COL6A3: variants seen among roughly 807,000 people sequenced by gnomAD.
COL6A3 encodes collagen alpha-3(VI) chain.
A neutral mutation model predicts 274.1 loss-of-function variants in COL6A3; 137 were observed. That is an observed-to-expected ratio of 0.50 (90% confidence interval 0.44 to 0.58). The LOEUF (loss-of-function observed/expected upper bound fraction) is 0.58. Among genes scored for constraint, COL6A3 ranks in the 20% least tolerant of loss-of-function variants. The pLI is 0.00. For synonymous variants in COL6A3, 1,650 were observed against 1,650.6 expected (o/e 1.00, Z 0.01); for missense variants, 3,950 against 4,124.9 (o/e 0.96, Z 1.16).
At chr2:237,346,472 G>C in intron 32 of COL6A3, 31 bp downstream of exon 32, 1 of 1,608,128 alleles carries the variant, frequency 6.2e-7, no homozygotes, top group African/African-American at 1.3e-5. Flanking sequence ...CCAGCCCCAG[G>C]TGGCCGGGTC....
chr2:237,386,935 T>C (rs964196459), intron 4 of COL6A3, among the ~76,000 whole-genome samples: 2 of 152,206 alleles, frequency 1.3e-5, no homozygotes, highest in Admixed American at 1.3e-4. Flanking sequence ...CCACTCCAAT[T>C]GGCTGTTTTG....
chr2:237,381,682 G>C (rs549381056), intron 4 of COL6A3, among the ~76,000 whole-genome samples, 183 bp from the exon 5 acceptor site: 1 of 152,338 alleles, frequency 6.6e-6, no homozygotes, highest in South Asian at 2.1e-4. Flanking sequence ...CTCCCCACCT[G>C]CTGGAGGAAA....
At position 237,324,021 on chromosome 2, in the gene COL6A3, C is replaced by T. The variant is rs750086376; in HGVS notation, c.*753G>A. 6.6e-6 allele frequency: 1 copy of T among 152,298 alleles called. No individual in the cohort carries two copies. Among genetic ancestry groups the T allele is most frequent in the Non-Finnish European group, 1.5e-5 (1 of 68,024 alleles). 9.4% of individuals were successfully genotyped at this position (152,298 alleles called of 1,614,324 possible). On this transcript the variant is annotated 3_prime_UTR_variant, in exon 44 of 44. Coordinates refer to ENST00000295550, the MANE Select transcript of COL6A3 (RefSeq NM_004369.4). ...TGCCAAGAACGTCACACCCAGGAAACTTTCAATATACTTTATTAAAAAGTT... is the reference window on the plus strand; with the variant it reads ...TGCCAAGAACGTCACACCCAGGAAATTTTCAATATACTTTATTAAAAAGTT...
chr2:237,365,737 G>A lies in COL6A3; in HGVS notation c.5799C>T (p.Tyr1933=). ...GCGAGGACTGTCTGAACTTGTTCAG[G>A]TAGACCTTCAGGGTGTCCTCCGTGA... ...YVLTEDTLKV[Y]LNKFRQSSPD... is the part of the protein sequence containing the mutation. Residue 1933 remains tyrosine (Y), a synonymous_variant, in exon 12 of 44, where the codon TAC becomes TAT. Transcript: ENST00000295550. 1 of 1,614,186 alleles carries A rather than the reference G, an allele frequency of 6.2e-7. No homozygotes were observed. The highest frequency in any genetic ancestry group is 8.5e-7 in the Non-Finnish European group (1 of 1,180,028).
chr2:237,334,824 T>G lies in COL6A3; in HGVS notation c.9031A>C (p.Arg3011=), dbSNP rs565996170. The stretch of plus-strand genomic sequence containing the variant: ...AAATAAGGACCGGGGGGCTCAGCCC[T>G]CTCCCAGTGGAGTTTGGCGCTGTTC... ...TENSAKLHWE[R]AEPPGPYFYD... Residue 3011 remains arginine, a synonymous_variant, in exon 41 of 44, where the codon AGG becomes CGG. Coordinates refer to ENST00000295550, the MANE Select transcript of COL6A3 (RefSeq NM_004369.4). 39 of 1,613,992 alleles carry G rather than the reference T, an allele frequency of 2.4e-5. No homozygotes were observed. The highest frequency in any genetic ancestry group is 1.7e-6 in the Non-Finnish European group (2 of 1,180,024).
At position 237,364,524 on chromosome 2, in the gene COL6A3, C is replaced by T; in HGVS notation, c.5839-96G>A. On this transcript the variant is annotated intron_variant, in intron 12 of 43. Coordinates refer to ENST00000295550, the MANE Select transcript of COL6A3 (RefSeq NM_004369.4). The surrounding 1 kb of genome is among the most constrained non-coding windows in gnomAD (Gnocchi z 4.6). ...GAGAGACTCGCTGTCTCAAGCCCTT[C>T]ATTTTACACTTAAGGAAACTGAGGG... 1 of 964,694 alleles carries T rather than the reference C, an allele frequency of 1.0e-6. No individual in the cohort carries two copies. The highest frequency in any genetic ancestry group is 1.3e-5 in the South Asian group (1 of 76,738). 59.8% of individuals were successfully genotyped at this position (964,694 alleles called of 1,614,324 possible).
rs751272519 is a variant in COL6A3, at chr2:237,372,270, C to T, written c.3747G>A (p.Gln1249=). 3 of 1,613,580 alleles carry T rather than the reference C, an allele frequency of 1.9e-6. No individual in the cohort carries two copies. Among genetic ancestry groups the T allele is most frequent in the Non-Finnish European group, 2.5e-6 (3 of 1,180,052 alleles). The change falls in exon 9 of 44, where the codon CAG becomes CAA. Residue 1249 remains glutamine (Q), a synonymous_variant. Transcript: ENST00000295550. Reference sequence around the variant, plus strand: ...GCCTCTCTATGAGGGTGCGAACGTACTGGAACTCAGGCCCGGCACTTTGGG... The same window carrying T: ...GCCTCTCTATGAGGGTGCGAACGTATTGGAACTCAGGCCCGGCACTTTGGG... The part of the protein sequence containing the change: ...DGSQSAGPEF[Q]YVRTLIERLV...
intron 1 of COL6A3, among the ~76,000 whole-genome samples, chr2:237,398,314 C>A (rs1430547611): frequency 6.6e-6 from 1 of 152,208 alleles, no homozygotes; most frequent in Non-Finnish European, 1.5e-5. Flanking sequence ...GGGGGCCGCA[C>A]ACATGATGCC....
At chr2:237,411,879 G>A (rs1574789473) in intron 1 of COL6A3, among the ~76,000 whole-genome samples, 1 of 152,042 alleles carries the variant, frequency 6.6e-6, no homozygotes, top group Non-Finnish European at 1.5e-5. Context: ...GGAAAGAGCG[G>A]GGCCAAGGGC....
At chr2:237,342,380 C>A in intron 36 of COL6A3, 1 of 565,854 alleles carries the variant, frequency 1.8e-6, no homozygotes, top group Non-Finnish European at 3.2e-6. Flanking sequence ...GTTCATATCC[C>A]GTTCAAATGG....
In COL6A3 at chr2:237,361,191, G is replaced by A. The variant is rs199764618; in HGVS notation, c.6157-17C>T. The A allele has an allele frequency of 1.5e-5, 25 of 1,613,182 alleles. No individual in the cohort carries two copies. The East Asian group carries it at 1.8e-4, about 12-fold the overall frequency. Reference sequence around the variant, plus strand: ...AGGAATACCCTGAAACAAAGTAATCGGGTCCTCTGTTTAATCCCGTGGTCT... The same window carrying A: ...AGGAATACCCTGAAACAAAGTAATCAGGTCCTCTGTTTAATCCCGTGGTCT... On this transcript the variant is annotated splice_polypyrimidine_tract_variant and intron_variant, in intron 15 of 43. Coordinates refer to ENST00000295550, the MANE Select transcript of COL6A3 (RefSeq NM_004369.4). This position sits in a 1 kb window ranked among gnomAD's most constrained non-coding sequence, Gnocchi z 5.1.
In COL6A3 at chr2:237,367,500, T is replaced by C. The variant is rs566437944; in HGVS notation, c.4901-214A>G. ...ACAAGAAGATGAATGATAAATCCTCTAAACAAAAAGGAAAGGAGAAAAATT... is the reference window on the plus strand; with the variant it reads ...ACAAGAAGATGAATGATAAATCCTCCAAACAAAAAGGAAAGGAGAAAAATT... On this transcript the variant is annotated intron_variant, in intron 10 of 43. Coordinates refer to ENST00000295550, the MANE Select transcript of COL6A3 (RefSeq NM_004369.4). Among the ~76,000 whole-genome samples the C allele has an allele frequency of 1.0e-3, 158 of 152,296 alleles. 1 individual carries two copies. The highest frequency in any genetic ancestry group is 3.8e-3 in the African/African-American group (158 of 41,572).
intron 8 of COL6A3, among the ~76,000 whole-genome samples, chr2:237,372,550 ATC>A (rs1418283438): frequency 5.9e-5 from 9 of 152,196 alleles, no homozygotes; most frequent in African/African-American, 2.2e-4. Context: ...CGGAGGCAGA[ATC>A]AGAAGAGCCT....
rs748475594 is a variant in COL6A3 at position 237,364,743 on chromosome 2, C to T, written c.5839-315G>A. Among the ~76,000 whole-genome samples, 17 of 151,500 alleles carry T rather than the reference C, an allele frequency of 1.1e-4. No individual in the cohort carries two copies. Among genetic ancestry groups the T allele is most frequent in the African/African-American group, 2.9e-4 (12 of 41,198 alleles). On this transcript the variant is annotated intron_variant, in intron 12 of 43. Coordinates refer to ENST00000295550, the MANE Select transcript of COL6A3 (RefSeq NM_004369.4). The surrounding 1 kb of genome is among the most constrained non-coding windows in gnomAD (Gnocchi z 4.6). ...ATGCATATGTGTGCATGCATGTGTG[C>T]GTGCATGTGTGTGCATGTGTGTGGG... is the stretch of plus-strand genomic sequence containing the variant.
rs562866363 is a variant in COL6A3, at chr2:237,368,517, A to C, written c.4900+46T>G. 1 of 1,601,180 alleles carries C rather than the reference A, an allele frequency of 6.2e-7. No individual in the cohort carries two copies. The highest frequency in any genetic ancestry group is 1.1e-5 in the South Asian group (1 of 88,566). ...CTGATTACTTTTTTAACTAAAAAAA[A>C]AATGTTGATGTCACACTCTGTAGTC... On this transcript the variant is annotated intron_variant, in intron 10 of 43. Coordinates refer to ENST00000295550, the MANE Select transcript of COL6A3 (RefSeq NM_004369.4). This position sits in a 1 kb window ranked among gnomAD's most constrained non-coding sequence, Gnocchi z 4.4.
intron 3 of COL6A3, among the ~76,000 whole-genome samples, chr2:237,391,585 T>A (rs1368219820): frequency 6.6e-6 from 1 of 152,102 alleles, no homozygotes; most frequent in Non-Finnish European, 1.5e-5. Context: ...CAGACTGGAG[T>A]GCAGTGTCAC....
At chr2:237,352,373 C>A (rs1452782259) in intron 26 of COL6A3, 149 bp downstream of exon 26, 1 of 802,746 alleles carries the variant, frequency 1.2e-6, no homozygotes, top group Non-Finnish European at 2.1e-6. Context: ...ACTGCAAGGC[C>A]TGAGGTTAAA....
chr2:237,395,014 A>G lies in COL6A3; in HGVS notation c.282T>C (p.Asn94=). The change falls in exon 3 of 44, where the codon AAT becomes AAC. Residue 94 remains asparagine, a synonymous_variant. Coordinates refer to ENST00000295550, the MANE Select transcript of COL6A3 (RefSeq NM_004369.4). Reference sequence around the variant, plus strand: ...GGACTTCTTGTTTAGTACGATACGTATTTAACAGGAACTCGGTATGTGGGT... The same window carrying G: ...GGACTTCTTGTTTAGTACGATACGTGTTTAACAGGAACTCGGTATGTGGGT... ...NGNPHTEFLL[N]TYRTKQEVLS... 1.2e-6 allele frequency: 2 copies of G among 1,614,190 alleles called. No individual in the cohort carries two copies. Among genetic ancestry groups the G allele is most frequent in the Non-Finnish European group, 1.7e-6 (2 of 1,180,030 alleles).
Position 237,336,340 on chromosome 2 carries a change from G to C in COL6A3, c.8760C>G (p.Ala2920=), listed in dbSNP as rs762649220. The C allele has an allele frequency of 6.2e-7, 1 of 1,613,460 alleles. No homozygotes were observed. The highest frequency in any genetic ancestry group is 2.2e-5 in the East Asian group (1 of 44,862). ...AKPAPAKPVA[A]KPVATKMATV... is the part of the protein sequence containing the mutation. ...TGGCCATCTTTGTGGCCACAGGCTT[G>C]GCAGCCACAGGTTTCGCAGGGGCCG... The change falls in exon 40 of 44, where the codon GCC becomes GCG. Residue 2920 remains alanine, a synonymous_variant. Coordinates refer to ENST00000295550, the MANE Select transcript of COL6A3 (RefSeq NM_004369.4).
Sources: gnomAD v4.1 joint callset for allele counts (sites outside exome capture counted in the v4.1 genomes callset) on GRCh38, gnomAD v4.1.1 for gene constraint, Gnocchi (gnomAD v3.1) non-coding constraint, MANE v1.5 for transcripts, NCBI Gene and HGNC (gene_info 2026-07-23, HGNC 2026-07-21) for gene names.